Variants in BTBD9 observed in about 807,000 individuals in gnomAD.
The protein encoded by BTBD9 is BTB/POZ domain-containing protein 9.
In BTBD9, 49 loss-of-function variants were observed where a neutral mutation model predicts 64.3. That is an observed-to-expected ratio of 0.76 (90% confidence interval 0.61 to 0.97). BTBD9 has a LOEUF of 0.97. Ranked by LOEUF, BTBD9 falls within the 50% of genes least tolerant of loss-of-function variation. The pLI is 0.00. For synonymous variants in BTBD9, 260 were observed against 274.7 expected (o/e 0.95, Z 0.53); for missense variants, 598 against 762.1 (o/e 0.78, Z 2.53).
At chr6:38,577,417 A>G (rs563704417) in intron 6 of BTBD9, among the ~76,000 whole-genome samples, 183 bp downstream of exon 6, 15 of 152,358 alleles carry the variant, frequency 9.8e-5, no homozygotes, top group African/African-American at 3.4e-4. Flanking sequence ...TAGTTCCACA[A>G]CACACTGTAA....
intron 9 of BTBD9, among the ~76,000 whole-genome samples, chr6:38,197,908 A>G (rs1762318575): frequency 6.6e-6 from 1 of 152,248 alleles, no homozygotes; most frequent in Non-Finnish European, 1.5e-5. Flanking sequence ...ATATTCTGGA[A>G]GGATAGATGC....
chr6:38,234,583 T>G (rs1281452520), intron 9 of BTBD9, among the ~76,000 whole-genome samples: 1 of 152,252 alleles, frequency 6.6e-6, no homozygotes, highest in Admixed American at 6.5e-5. Context: ...TACATAACTA[T>G]TATATACTTT....
intron 10 of BTBD9, among the ~76,000 whole-genome samples, chr6:38,190,713 G>T (rs934605603): frequency 2.0e-5 from 3 of 152,098 alleles, no homozygotes; most frequent in African/African-American, 7.2e-5. Context: ...TCAAAGAGAG[G>T]TCTCACACTC....
At chr6:38,544,262 T>A (rs1398391235) in intron 6 of BTBD9, among the ~76,000 whole-genome samples, 1 of 152,154 alleles carries the variant, frequency 6.6e-6, no homozygotes, top group Non-Finnish European at 1.5e-5. Flanking sequence ...GCAATTACTA[T>A]ACCATTTTAT....
At chr6:38,179,913 G>A in intron 10 of BTBD9, 1 of 438,252 alleles carries the variant, frequency 2.3e-6, no homozygotes, top group Non-Finnish European at 4.6e-6. Context: ...TCCAGGCAAA[G>A]GGAACGAGGA....
intron 6 of BTBD9, chr6:38,504,422 T>C (rs1772359299): frequency 2.7e-6 from 1 of 376,148 alleles, no homozygotes; most frequent in Non-Finnish European, 5.3e-6. Flanking sequence ...TGGGCATCTA[T>C]AATTTTCCTT....
chr6:38,243,309 G>A (rs1764072422), intron 9 of BTBD9, among the ~76,000 whole-genome samples: 2 of 152,166 alleles, frequency 1.3e-5, no homozygotes, highest in Non-Finnish European at 2.9e-5. Flanking sequence ...TTTAGGGAGA[G>A]CTGGTCATGT....
rs1761510695 is a variant in BTBD9, at chr6:38,281,397, C to T, written c.1454+6875G>A. 2.0e-5 allele frequency among the ~76,000 whole-genome samples: 3 copies of T among 152,044 alleles called. No homozygotes were observed. In the South Asian group the frequency reaches 6.2e-4, roughly 32 times the overall value. On this transcript the variant is annotated intron_variant, in intron 8 of 10. Coordinates refer to ENST00000481247, the MANE Select transcript of BTBD9 (RefSeq NM_001099272.2). ...AGTTCACAGAGAAAGAAAAATATAC[C>T]AGATGAATAAGGACCACAGTGGCAT...
intron 1 of BTBD9, among the ~76,000 whole-genome samples, chr6:38,623,295 C>G (rs554911216): frequency 6.6e-6 from 1 of 152,280 alleles, no homozygotes; most frequent in African/African-American, 2.4e-5. Flanking sequence ...CCCCTCAAAG[C>G]TCAAGTCTGT....
intron 6 of BTBD9, among the ~76,000 whole-genome samples, chr6:38,530,629 AAACT>A (rs1773759698): frequency 1.0e-5 from 1 of 97,260 alleles, no homozygotes; most frequent in South Asian, 2.7e-4. Context: ...CTCACAAAAC[AAACT>A]AAATAAGACA....
At chr6:38,411,454 C>A (rs1307096833) in intron 6 of BTBD9, among the ~76,000 whole-genome samples, 1 of 152,076 alleles carries the variant, frequency 6.6e-6, no homozygotes, top group Non-Finnish European at 1.5e-5. Context: ...CAGGGATGGG[C>A]TTTTTAATAA....
intron 6 of BTBD9, among the ~76,000 whole-genome samples, chr6:38,351,128 T>C (rs1764488531): frequency 6.6e-6 from 1 of 152,242 alleles, no homozygotes; most frequent in African/African-American, 2.4e-5. Flanking sequence ...GATTTGTTAC[T>C]CTTAGAAAAC....
intron 6 of BTBD9, among the ~76,000 whole-genome samples, chr6:38,369,733 C>T (rs4711539): frequency 6.6e-6 from 1 of 152,094 alleles, no homozygotes; most frequent in Non-Finnish European, 1.5e-5. Flanking sequence ...TCTGGTGCCG[C>T]GCTACCTGTT....
intron 6 of BTBD9, among the ~76,000 whole-genome samples, chr6:38,421,324 CCAG>C (rs1227641671): frequency 6.6e-6 from 1 of 152,164 alleles, no homozygotes; most frequent in East Asian, 1.9e-4. Context: ...CCACTGCACT[CCAG>C]CCTGGGAGAC....
At chr6:38,371,423 G>T (rs1332163232) in intron 6 of BTBD9, among the ~76,000 whole-genome samples, 1 of 152,180 alleles carries the variant, frequency 6.6e-6, no homozygotes, top group African/African-American at 2.4e-5. Flanking sequence ...ACGATCACTG[G>T]CTGGGAGGAC....
chr6:38,558,024 T>A (rs1300207244), intron 6 of BTBD9, among the ~76,000 whole-genome samples: 1 of 151,816 alleles, frequency 6.6e-6, no homozygotes, highest in Admixed American at 6.6e-5. Context: ...CTCTGGGAGG[T>A]CAAGGCAGGA....
chr6:38,457,768 T>C (rs1769885953), intron 6 of BTBD9, among the ~76,000 whole-genome samples: 1 of 152,106 alleles, frequency 6.6e-6, no homozygotes, highest in South Asian at 2.1e-4. Context: ...AATAGGGAGT[T>C]CAGGATGAAT....
intron 1 of BTBD9, among the ~76,000 whole-genome samples, chr6:38,636,809 T>C (rs1433515350): frequency 6.6e-6 from 1 of 152,178 alleles, no homozygotes; most frequent in Non-Finnish European, 1.5e-5. Context: ...AACAGCTTCC[T>C]GCCTCATCAC....
At chr6:38,590,200 A>G (rs2127488327) in intron 4 of BTBD9, among the ~76,000 whole-genome samples, 1 of 152,346 alleles carries the variant, frequency 6.6e-6, no homozygotes, top group African/African-American at 2.4e-5. Flanking sequence ...CAAGTAAACA[A>G]AAATGTTTAA....
Sources: allele counts gnomAD v4.1 joint callset (sites outside exome capture counted in the v4.1 genomes callset), GRCh38; gene constraint gnomAD v4.1.1; transcripts MANE v1.5; gene names NCBI Gene and HGNC (gene_info 2026-07-23, HGNC 2026-07-21).